The following NIM1K variants were observed in gnomAD, a reference collection of about 807,000 sequenced individuals.
NIM1K encodes the protein NIM1 serine/threonine protein kinase.
A neutral mutation model predicts 37.1 loss-of-function variants in NIM1K; 35 were observed. The ratio of observed to expected loss-of-function variants is 0.94; its 90% CI spans 0.72 to 1.25. The LOEUF is 1.25. NIM1K is among the 50% of genes most tolerant of loss of function. The pLI is 0.00. For synonymous variants in NIM1K, 234 were observed against 206.6 expected, an observed-to-expected ratio of 1.13 and a Z score of -1.14; for missense variants, 564 against 548.0, an observed-to-expected ratio of 1.03 and a Z score of -0.29.
intron 2 of NIM1K, among the ~76,000 whole-genome samples, chr5:43,247,622 A>AGTGG (rs1752802469): frequency 6.6e-6 from 1 of 152,228 alleles, no homozygotes; most frequent in South Asian, 2.1e-4. Flanking sequence ...ATTGGTCTAG[A>AGTGG]GTGGGACTGG....
rs10555794 is a variant in NIM1K, at chr5:43,225,260, C to CAAAAAAA, written c.-694-19798_-694-19792dup. On this transcript the variant is annotated intron_variant, in intron 1 of 3. Coordinates refer to ENST00000326035, the MANE Select transcript of NIM1K (RefSeq NM_153361.4). Reference sequence around the variant, plus strand: ...GGGCAACAGAAAGAGACCCTCTTTCCAAAAAAAAAAAAAAAAAAAAAAAAA... The same window carrying CAAAAAAA: ...GGGCAACAGAAAGAGACCCTCTTTCCAAAAAAAAAAAAAAAAAAAAAAAAAAAAAAAA... 5.4e-4 allele frequency among the ~76,000 whole-genome samples: 39 copies of CAAAAAAA among 72,712 alleles called. 1 individual carries two copies. The highest frequency in any genetic ancestry group is 6.6e-4 in the Non-Finnish European group (27 of 40,756). The allele number at this position is 72,712 out of a possible 152,430, so 47.7% of individuals were successfully genotyped here. A position where few individuals can be genotyped will look rare whatever the true frequency, so the allele number is the denominator to read the frequency against.
Position 43,277,259 on chromosome 5 carries a change from G to T in NIM1K, c.495G>T (p.Glu165Asp), listed in dbSNP as rs780758278. ...GGELFGKIST[E>D]GKLSEPESKL... ...AGCTCTTCGGAAAAATTAGCACTGA[G>T]GGGAAGCTCTCTGAACCAGAAAGCA... Residue 165 changes from glutamate (E) to aspartate (D), a missense_variant, in exon 3 of 4, where the codon GAG (glutamate) becomes GAT (aspartate). Physicochemically the swap from Glu to Asp is conservative, Grantham distance 45. Coordinates refer to ENST00000326035, the MANE Select transcript of NIM1K (RefSeq NM_153361.4). The T allele has an allele frequency of 6.2e-7, 1 of 1,614,102 alleles. No homozygotes were observed. The highest frequency in any genetic ancestry group is 2.2e-5 in the East Asian group (1 of 44,874).
At chr5:43,220,884 G>C (rs570648651) in intron 1 of NIM1K, among the ~76,000 whole-genome samples, 2 of 152,102 alleles carry the variant, frequency 1.3e-5, no homozygotes, top group Non-Finnish European at 2.9e-5. Context: ...GTAAGCATAG[G>C]GGGGACATGA....
rs73751053 is a variant in NIM1K, at chr5:43,210,211, G to T, written c.-695+17800G>T. On this transcript the variant is annotated intron_variant, in intron 1 of 3. Transcript: ENST00000326035. ...GGGAGGAGAGGGGAGGGGAGGAGAG[G>T]GGAAAATTTAAGCTGAATTTGAATA... 3.2e-3 allele frequency among the ~76,000 whole-genome samples: 493 copies of T among 151,780 alleles called. 5 individuals are homozygous for T. Among genetic ancestry groups the T allele is most frequent in the African/African-American group, 0.01 (431 of 41,372 alleles).
chr5:43,224,501 T>C (rs1752425458), intron 1 of NIM1K, among the ~76,000 whole-genome samples: 1 of 151,958 alleles, frequency 6.6e-6, no homozygotes, highest in African/African-American at 2.4e-5. Context: ...TCCAGTCAAT[T>C]TCCTTAGTAG....
intron 1 of NIM1K, among the ~76,000 whole-genome samples, chr5:43,228,450 C>A (rs1752491627): frequency 6.6e-6 from 1 of 152,024 alleles, no homozygotes; most frequent in South Asian, 2.1e-4. Flanking sequence ...CCGGCCGAGA[C>A]CTGTTTTATT....
chr5:43,229,821 G>A (rs538624083), intron 1 of NIM1K, among the ~76,000 whole-genome samples: 1 of 150,826 alleles, frequency 6.6e-6, no homozygotes, highest in African/African-American at 2.5e-5. Context: ...ATTTTTAGTA[G>A]AGATGGGGTT....
In NIM1K at chr5:43,253,222, G is replaced by A. The variant is rs1486729872; in HGVS notation, c.292+7155G>A. Among the ~76,000 whole-genome samples, 455 of 103,284 alleles carry A rather than the reference G, an allele frequency of 4.4e-3. 4 individuals carry two copies. Among genetic ancestry groups the A allele is most frequent in the East Asian group, 0.023 (48 of 2,048 alleles). The allele number at this position is 103,284 out of a possible 152,430, so 67.8% of individuals were successfully genotyped here. ...TATATAATATAATATATGTGTGTGT[G>A]TGTGTGTGTGTGTGTGTGTGTGTGT... On this transcript the variant is annotated intron_variant, in intron 2 of 3. Transcript: ENST00000326035.
intron 2 of NIM1K, among the ~76,000 whole-genome samples, chr5:43,265,445 T>C (rs1433489603): frequency 5.3e-5 from 8 of 152,224 alleles, no homozygotes; most frequent in Non-Finnish European, 1.0e-4. Flanking sequence ...ACATAGTTCT[T>C]GTGCCATGGT....
chr5:43,249,312 G>T (rs941077158), intron 2 of NIM1K, among the ~76,000 whole-genome samples: 26 of 151,674 alleles, frequency 1.7e-4, no homozygotes, highest in African/African-American at 6.3e-4. Flanking sequence ...CTCGTGATCC[G>T]CTACCTCGGC....
chr5:43,248,042 C>T (rs1752809316), intron 2 of NIM1K, among the ~76,000 whole-genome samples: 1 of 152,054 alleles, frequency 6.6e-6, no homozygotes, highest in South Asian at 2.1e-4. Flanking sequence ...AAGCTATGAG[C>T]TTAAAGGAAG....
chr5:43,225,750 C>G (rs1023475611), intron 1 of NIM1K: 3 of 154,472 alleles, frequency 1.9e-5, no homozygotes, highest in Non-Finnish European at 4.4e-5. Context: ...GCGTATATAA[C>G]CTCTCTGTGA....
At chr5:43,216,755 G>A (rs1752305316) in intron 1 of NIM1K, among the ~76,000 whole-genome samples, 1 of 152,210 alleles carries the variant, frequency 6.6e-6, no homozygotes, top group Non-Finnish European at 1.5e-5. Flanking sequence ...TGAAAATGGA[G>A]ATAGTTGTTG....
intron 1 of NIM1K, 68 bp from the exon 2 acceptor site, chr5:43,245,014 C>T (rs1345889303): frequency 6.6e-6 from 1 of 152,166 alleles, no homozygotes; most frequent in Non-Finnish European, 1.5e-5. Context: ...AAAGCAGTTG[C>T]ACATTCATTA....
At chr5:43,279,922 A>AT in intron 3 of NIM1K, 58 bp from the exon 4 acceptor site, 1 of 1,407,016 alleles carries the variant, frequency 7.1e-7, no homozygotes, top group Non-Finnish European at 9.9e-7. Context: ...CAACTGATAC[A>AT]TTTTTTATTT....
intron 1 of NIM1K, chr5:43,232,715 G>T (rs1368105731): frequency 6.5e-6 from 9 of 1,383,982 alleles, no homozygotes; most frequent in Non-Finnish European, 9.0e-6. Flanking sequence ...TGTTCCATGA[G>T]CGGGGAGGTG....
rs1752761251 is a variant in NIM1K at position 43,245,392 on chromosome 5, G to A, written c.-384G>A. The A allele has an allele frequency of 1.2e-5, 2 of 166,936 alleles. No individual in the cohort carries two copies. Among genetic ancestry groups the A allele is most frequent in the African/African-American group, 4.7e-5 (2 of 42,196 alleles). The allele number at this position is 166,936 out of a possible 1,614,324, so 10.3% of individuals were successfully genotyped here. A position where few individuals can be genotyped will look rare whatever the true frequency, so the allele number is the denominator to read the frequency against. ...TGGCCATCAAGGGAAATAGCAAACA[G>A]AAGCCTTTGTCCTGGGGCACAGCCA... On this transcript the variant is annotated 5_prime_UTR_variant, in exon 2 of 4. Coordinates refer to ENST00000326035, the MANE Select transcript of NIM1K (RefSeq NM_153361.4).
intron 3 of NIM1K, 133 bp downstream of exon 3, chr5:43,277,458 G>C: frequency 8.6e-6 from 8 of 929,510 alleles, no homozygotes; most frequent in Non-Finnish European, 1.3e-5. Flanking sequence ...CCTTCTGAGA[G>C]TCAGAAGTCT....
At chr5:43,207,992 G>GT (rs1752142383) in intron 1 of NIM1K, among the ~76,000 whole-genome samples, 1 of 152,150 alleles carries the variant, frequency 6.6e-6, no homozygotes, top group African/African-American at 2.4e-5. Flanking sequence ...AGCTTATGGT[G>GT]TTATTTTTTT....
Sources: allele counts gnomAD v4.1 joint callset (sites outside exome capture counted in the v4.1 genomes callset), GRCh38; gene constraint gnomAD v4.1.1; transcripts MANE v1.5; gene names NCBI Gene and HGNC (gene_info 2026-07-23, HGNC 2026-07-21).